Variants in WFS1 observed in about 807,000 individuals in gnomAD.
WFS1 encodes the protein wolframin ER transmembrane glycoprotein.
In WFS1, 90 loss-of-function variants were observed where a neutral mutation model predicts 68.5. That is an observed-to-expected ratio of 1.31 (90% CI 1.11 to 1.56). WFS1 has a LOEUF of 1.56. Among genes scored for constraint, WFS1 ranks in the 40% most tolerant of loss-of-function variants. The pLI is 0.00. For synonymous variants in WFS1, 860 were observed against 540.7 expected, an observed-to-expected ratio of 1.59 and a Z score of -8.19; for missense variants, 1,767 against 1,232.6, an observed-to-expected ratio of 1.43 and a Z score of -6.49.
At chr4:6,278,594 G>A (rs1730063382) in intron 2 of WFS1, among the ~76,000 whole-genome samples, 1 of 152,198 alleles carries the variant, frequency 6.6e-6, no homozygotes, top group African/African-American at 2.4e-5. Context: ...AGACCCAGCG[G>A]GTGAGAGACG....
chr4:6,285,868 G>A (rs187829137), intron 2 of WFS1, among the ~76,000 whole-genome samples: 31 of 152,354 alleles, frequency 2.0e-4, no homozygotes, highest in African/African-American at 6.7e-4. Context: ...CCAGCCTTGG[G>A]TGAAATGGGT....
In WFS1 at chr4:6,287,301, C is replaced by T. The variant is rs1307873791; in HGVS notation, c.315+126C>T. On this transcript the variant is annotated intron_variant, in intron 3 of 7. Coordinates refer to ENST00000226760, the MANE Select transcript of WFS1 (RefSeq NM_006005.3). This position sits in a 1 kb window ranked among gnomAD's most constrained non-coding sequence, Gnocchi z 6.4. ...ATCGGGGTCAGGAGCCAGCGTGGTGCACCCTACCCCACTTGAGCCCCATGT... is the reference window on the plus strand; with the variant it reads ...ATCGGGGTCAGGAGCCAGCGTGGTGTACCCTACCCCACTTGAGCCCCATGT... 2.4e-6 allele frequency: 2 copies of T among 821,270 alleles called. No homozygotes were observed. Among genetic ancestry groups the T allele is most frequent in the Non-Finnish European group, 4.0e-6 (2 of 494,088 alleles). 50.9% of individuals were successfully genotyped at this position (821,270 alleles called of 1,614,324 possible). A position where few individuals can be genotyped will look rare whatever the true frequency, so the allele number is the denominator to read the frequency against.
rs1730965563 is a variant in WFS1 at position 6,302,234 on chromosome 4, G to C, written c.2439G>C (p.Val813=). The C allele has an allele frequency of 1.2e-6, 2 of 1,607,916 alleles. No individual in the cohort carries two copies. The highest frequency in any genetic ancestry group is 1.3e-5 in the African/African-American group (1 of 74,964). ...GGGCCAGCAGCGAGTTCAAGAGCGTGCTGCTCAGCCTGCGCCAGGGCAGCC... is the reference window on the plus strand; with the variant it reads ...GGGCCAGCAGCGAGTTCAAGAGCGTCCTGCTCAGCCTGCGCCAGGGCAGCC... ...VLRASSEFKS[V]LLSLRQGSLI... is the part of the protein sequence containing the mutation. Residue 813 remains valine (V), a synonymous_variant, in exon 8 of 8, where the codon GTG becomes GTC. Transcript: ENST00000226760.
intron 6 of WFS1, 153 bp from the exon 7 acceptor site, chr4:6,294,888 C>T (rs867246298): frequency 7.6e-7 from 1 of 1,318,844 alleles, no homozygotes; most frequent in Admixed American, 1.8e-5. Flanking sequence ...CCTCAACCCT[C>T]AGGCCGCCCA....
At chr4:6,296,296 A>C (rs990750002) in intron 7 of WFS1, among the ~76,000 whole-genome samples, 1 of 152,216 alleles carries the variant, frequency 6.6e-6, no homozygotes, top group Non-Finnish European at 1.5e-5. Flanking sequence ...GCCCTGCTGC[A>C]GGGACTCGGA....
rs1731019305 is a variant in WFS1 at position 6,302,996 on chromosome 4, C to A, written c.*528C>A. The A allele has an allele frequency of 6.0e-6, 1 of 167,990 alleles. No individual in the cohort carries two copies. Among genetic ancestry groups the A allele is most frequent in the African/African-American group, 2.4e-5 (1 of 41,670 alleles). 10.4% of individuals were successfully genotyped at this position (167,990 alleles called of 1,614,324 possible). ...TCACGTGGTCAAGGCCCGGCCCCAT[C>A]AGAGGCTGGGGGAGGCGGCACATTG... On this transcript the variant is annotated 3_prime_UTR_variant, in exon 8 of 8. Transcript: ENST00000226760.
intron 1 of WFS1, among the ~76,000 whole-genome samples, chr4:6,272,582 C>T (rs1440840655): frequency 6.6e-6 from 1 of 152,172 alleles, no homozygotes; most frequent in Non-Finnish European, 1.5e-5. Context: ...TGGGCCTGCT[C>T]CCTTAGAGCT....
chr4:6,275,459 C>T lies in WFS1; in HGVS notation c.-5-1992C>T, dbSNP rs1042101688. Reference sequence around the variant, plus strand: ...TAAATGGCTGCTTTTGTGGAAGGTGCCAGTTCCCGGGAGCTGGGAACTTGG... The same window carrying T: ...TAAATGGCTGCTTTTGTGGAAGGTGTCAGTTCCCGGGAGCTGGGAACTTGG... On this transcript the variant is annotated intron_variant, in intron 1 of 7. Transcript: ENST00000226760. Among the ~76,000 whole-genome samples the T allele has an allele frequency of 7.9e-5, 12 of 152,116 alleles. 1 individual carries two copies. The highest frequency in any genetic ancestry group is 1.3e-4 in the Non-Finnish European group (9 of 68,024).
rs933378759 is a variant in WFS1, at chr4:6,295,035, C to T, written c.713-6C>T. 6.2e-7 allele frequency: 1 copy of T among 1,613,344 alleles called. No homozygotes were observed. Among genetic ancestry groups the T allele is most frequent in the Non-Finnish European group, 8.5e-7 (1 of 1,179,962 alleles). ...GGCGCCCATGCTGTTTTCTCTCATGCTTCAGCCAAGAACTACATCGCGCTG... is the reference window on the plus strand; with the variant it reads ...GGCGCCCATGCTGTTTTCTCTCATGTTTCAGCCAAGAACTACATCGCGCTG... On this transcript the variant is annotated splice_polypyrimidine_tract_variant and splice_region_variant and intron_variant, in intron 6 of 7. Coordinates refer to ENST00000226760, the MANE Select transcript of WFS1 (RefSeq NM_006005.3).
Position 6,283,738 on chromosome 4 carries a change from C to T in WFS1, c.233-3355C>T, listed in dbSNP as rs548607376. On this transcript the variant is annotated intron_variant, in intron 2 of 7. Coordinates refer to ENST00000226760, the MANE Select transcript of WFS1 (RefSeq NM_006005.3). The surrounding 1 kb of genome is among the most constrained non-coding windows in gnomAD (Gnocchi z 5.0). ...TGATTGGCCAGGTGGGGGTGCGGGC[C>T]TTCTGTGCAGCGCAGGGGAGGGGGC... Among the ~76,000 whole-genome samples the T allele has an allele frequency of 4.6e-5, 7 of 152,334 alleles. No individual in the cohort carries two copies. The highest frequency in any genetic ancestry group is 1.7e-4 in the African/African-American group (7 of 41,586).
rs111561640 is a variant in WFS1, at chr4:6,300,433, G to C, written c.862-224G>C. On this transcript the variant is annotated intron_variant, in intron 7 of 7. Transcript: ENST00000226760. ...GTGGGGAGCCAGGCACGGGGCAGAG[G>C]GGGGCTCCAGGCCCAGAAGAGGGAG... 2.8e-3 allele frequency among the ~76,000 whole-genome samples: 428 copies of C among 152,228 alleles called. 1 individual carries two copies. The highest frequency in any genetic ancestry group is 0.014 in the Middle Eastern group (4 of 294).
chr4:6,299,927 TGTGTGAATGCGTGTGTGTAGGG>T (rs1730810116), intron 7 of WFS1, among the ~76,000 whole-genome samples: 1 of 132,058 alleles, frequency 7.6e-6, no homozygotes, highest in East Asian at 2.4e-4. Context: ...GGGGTGGGTT[TGTGTGAATGCGTGTGTGTAGGG>T]GTGGGTTGCG....
chr4:6,300,721 G>A lies in WFS1; in HGVS notation c.926G>A (p.Arg309Lys), dbSNP rs577526929. ...IKEYLIDMAS[R>K]AGMHWLSTII... ...GAGTACCTGATTGACATGGCCTCCA[G>A]GGCAGGCATGCACTGGCTGTCCACC... The change falls in exon 8 of 8, where the codon AGG becomes AAG. Residue 309 changes from arginine to lysine, a missense_variant. Arg to Lys is a conservative substitution (Grantham distance 26). Coordinates refer to ENST00000226760, the MANE Select transcript of WFS1 (RefSeq NM_006005.3). 2.5e-5 allele frequency: 41 copies of A among 1,614,066 alleles called. No homozygotes were observed. In the South Asian group the frequency reaches 4.4e-4, roughly 17 times the overall value.
chr4:6,291,474 C>G, intron 5 of WFS1, 107 bp downstream of exon 5: 1 of 1,437,560 alleles, frequency 7.0e-7, no homozygotes, highest in Non-Finnish European at 9.5e-7. Flanking sequence ...GCTGGGTCTT[C>G]CCACAGGAGC....
At chr4:6,284,638 C>T (rs2109112367) in intron 2 of WFS1, among the ~76,000 whole-genome samples, 1 of 151,978 alleles carries the variant, frequency 6.6e-6, no homozygotes, top group South Asian at 2.1e-4. Context: ...GCCCTGGGGT[C>T]TCCTGGGGAA....
At chr4:6,284,147 A>C (rs1448687505) in intron 2 of WFS1, among the ~76,000 whole-genome samples, 1 of 152,148 alleles carries the variant, frequency 6.6e-6, no homozygotes, top group Non-Finnish European at 1.5e-5. Flanking sequence ...GAGGCAGCAG[A>C]TCACCTGAGG....
intron 1 of WFS1, among the ~76,000 whole-genome samples, chr4:6,273,616 C>G (rs1019581379): frequency 1.3e-5 from 2 of 152,182 alleles, no homozygotes; most frequent in African/African-American, 4.8e-5. Context: ...GCAAGGCAGC[C>G]GGTCTTCCGA....
chr4:6,300,148 C>T (rs752473050), intron 7 of WFS1, among the ~76,000 whole-genome samples: 1 of 152,132 alleles, frequency 6.6e-6, no homozygotes, highest in Non-Finnish European at 1.5e-5. Context: ...CTTGCTCTGC[C>T]ACCCCTCCGG....
rs1730854553 is a variant in WFS1, at chr4:6,300,779, C to T, written c.984C>T (p.Ile328=). Residue 328 remains isoleucine, a synonymous_variant, in exon 8 of 8, where the codon ATC becomes ATT. Coordinates refer to ENST00000226760, the MANE Select transcript of WFS1 (RefSeq NM_006005.3). ...IIPTHHINAL[I]FFFIVSNLTI... is the part of the protein sequence containing the mutation. ...CCACGCACCACATCAACGCGCTCAT[C>T]TTCTTCTTCATCGTCAGCAACCTCA... The T allele has an allele frequency of 1.9e-6, 3 of 1,614,034 alleles. No homozygotes were observed. Among genetic ancestry groups the T allele is most frequent in the Non-Finnish European group, 1.7e-6 (2 of 1,179,952 alleles).
Sources: allele counts gnomAD v4.1 joint callset (sites outside exome capture counted in the v4.1 genomes callset), GRCh38; gene constraint gnomAD v4.1.1; non-coding constraint Gnocchi (gnomAD v3.1); transcripts MANE v1.5; gene names NCBI Gene and HGNC (gene_info 2026-07-23, HGNC 2026-07-21).